Variants in SERPIND1 observed in about 807,000 individuals in gnomAD.
SERPIND1 encodes heparin cofactor 2.
Under a neutral mutation model 35.0 loss-of-function variants are expected in SERPIND1, and 34 were observed. The observed-to-expected ratio is 0.97, with a 90% CI of 0.74 to 1.29. The LOEUF (loss-of-function observed/expected upper bound fraction) is 1.29. SERPIND1 is among the 50% of genes most tolerant of loss of function. The pLI, the probability that SERPIND1 is intolerant of heterozygous loss-of-function variation, is 0.00. For missense variants in SERPIND1, 633 were observed against 637.7 expected (o/e 0.99, Z 0.08); for synonymous variants, 236 against 241.1 (o/e 0.98, Z 0.19).
At chr22:20,777,261 G>A (rs1005081055) in intron 1 of SERPIND1, among the ~76,000 whole-genome samples, 2 of 150,502 alleles carry the variant, frequency 1.3e-5, no homozygotes, top group Admixed American at 1.3e-4. Flanking sequence ...TTTTTGCCCA[G>A]GCTGGAGTGC....
At chr22:20,780,775 C>CAAAAAAAAAAAAAAAAAAAAAA (rs538327544) in intron 2 of SERPIND1, among the ~76,000 whole-genome samples, 20 of 67,668 alleles carry the variant, frequency 3.0e-4, no homozygotes, top group African/African-American at 7.2e-4. Context: ...GACTCCATCT[C>CAAAAAAAAAAAAAAAAAAAAAA]AAAAAAAAAA....
chr22:20,777,632 G>GT (rs1180097639), intron 1 of SERPIND1, among the ~76,000 whole-genome samples: 1 of 152,216 alleles, frequency 6.6e-6, no homozygotes, highest in Non-Finnish European at 1.5e-5. Context: ...GATTATAGGC[G>GT]TAAGCCACAG....
intron 1 of SERPIND1, among the ~76,000 whole-genome samples, chr22:20,778,796 C>CCA (rs1361174879): frequency 2.0e-5 from 3 of 152,146 alleles, no homozygotes. Context: ...CTGGGCACTT[C>CCA]CACTCCTACC....
rs776683506 is a variant in SERPIND1 at position 20,779,843 on chromosome 22, G to A, written c.531G>A (p.Val177=). Residue 177 remains valine (V), a synonymous_variant, in exon 2 of 5, where the codon GTG becomes GTA. Coordinates refer to ENST00000215727, the MANE Select transcript of SERPIND1 (RefSeq NM_000185.4). ...LGLKGETHEQ[V]HSILHFKDFV... is the part of the protein sequence containing the mutation. ...TGAAGGGAGAGACCCATGAACAAGT[G>A]CACTCGATTTTGCATTTTAAAGACT... is the stretch of plus-strand genomic sequence containing the variant. The A allele has an allele frequency of 6.2e-6, 10 of 1,614,080 alleles. No homozygotes were observed. The highest frequency in any genetic ancestry group is 1.1e-5 in the South Asian group (1 of 91,094).
At chr22:20,776,897 A>G (rs1191337517) in intron 1 of SERPIND1, among the ~76,000 whole-genome samples, 1 of 152,208 alleles carries the variant, frequency 6.6e-6, no homozygotes, top group African/African-American at 2.4e-5. Context: ...CTTCAGGCCT[A>G]CTGAGTTCAA....
In SERPIND1 at chr22:20,786,113, G is replaced by A. The variant is rs745436085; in HGVS notation, c.1273G>A (p.Ala425Thr). Residue 425 changes from alanine (A) to threonine (T), a missense_variant, in exon 4 of 5, where the codon GCA becomes ACA. Ala to Thr is a moderately conservative substitution (Grantham distance 58). Transcript: ENST00000215727. ...RMLFDKNGNM[A>T]GISDQRIAID... ...GCTGTTTGACAAAAATGGCAACATG[G>A]CAGGCATCTCAGACCAAAGGATCGC... 1 of 1,614,106 alleles carries A rather than the reference G, an allele frequency of 6.2e-7. No homozygotes were observed. Among genetic ancestry groups the A allele is most frequent in the East Asian group, 2.2e-5 (1 of 44,876 alleles).
At position 20,786,998 on chromosome 22, in the gene SERPIND1, C is replaced by G; in HGVS notation, c.1432C>G (p.Leu478Val). 1 of 1,614,194 alleles carries G rather than the reference C, an allele frequency of 6.2e-7. No individual in the cohort carries two copies. Among genetic ancestry groups the G allele is most frequent in the Non-Finnish European group, 8.5e-7 (1 of 1,180,030 alleles). ...RFTVDRPFLF[L>V]IYEHRTSCLL... ...CACTGTCGACCGCCCCTTTCTTTTC[C>G]TCATCTACGAGCATCGCACCAGCTG... Residue 478 changes from leucine to valine, a missense_variant, in exon 5 of 5, where the codon CTC becomes GTC. Coordinates refer to ENST00000215727, the MANE Select transcript of SERPIND1 (RefSeq NM_000185.4).
At chr22:20,781,402 G>C (rs1357645440) in intron 2 of SERPIND1, among the ~76,000 whole-genome samples, 1 of 152,242 alleles carries the variant, frequency 6.6e-6, no homozygotes, top group Non-Finnish European at 1.5e-5. Context: ...GCAAAGGGCA[G>C]TACTTGGAGG....
chr22:20,783,917 G>A, intron 2 of SERPIND1, 55 bp from the exon 3 acceptor site: 1 of 1,611,256 alleles, frequency 6.2e-7, no homozygotes, highest in Non-Finnish European at 8.5e-7. Flanking sequence ...TCAAGGGTGA[G>A]ACGATTTCCC....
chr22:20,787,353 C>T lies in SERPIND1; in HGVS notation c.*287C>T, dbSNP rs1392035067. On this transcript the variant is annotated 3_prime_UTR_variant, in exon 5 of 5. Transcript: ENST00000215727. ...CACTCTTCACAGCAAACCTGAGCAG[C>T]GCGTCCTAAGCACCTCCCGCTCCGG... The T allele has an allele frequency of 4.2e-5, 19 of 452,706 alleles. No homozygotes were observed. The highest frequency in any genetic ancestry group is 2.8e-4 in the Admixed American group (8 of 29,058). The allele number at this position is 452,706 out of a possible 1,614,324, so 28.0% of individuals were successfully genotyped here.
In SERPIND1 at chr22:20,780,037, A is replaced by G; in HGVS notation, c.725A>G (p.Glu242Gly). 4 of 1,614,122 alleles carry G rather than the reference A, an allele frequency of 2.5e-6. No homozygotes were observed. Among genetic ancestry groups the G allele is most frequent in the Non-Finnish European group, 3.4e-6 (4 of 1,179,998 alleles). Residue 242 changes from glutamate (E) to glycine (G), a missense_variant, in exon 2 of 5, where the codon GAG (glutamate) becomes GGG (glycine). By Grantham distance (98) the Glu-to-Gly change is moderately conservative (BLOSUM62 -2). Coordinates refer to ENST00000215727, the MANE Select transcript of SERPIND1 (RefSeq NM_000185.4). ...CTTGACTTCAAAACTAAAGTAAGAGAGTATTACTTTGCTGAGGCCCAGATA... is the reference window on the plus strand; with the variant it reads ...CTTGACTTCAAAACTAAAGTAAGAGGGTATTACTTTGCTGAGGCCCAGATA... ...ILLDFKTKVREYYFAEAQIAD... is the reference protein window; with the variant it reads ...ILLDFKTKVRGYYFAEAQIAD...
intron 1 of SERPIND1, among the ~76,000 whole-genome samples, chr22:20,777,721 C>T (rs980182886): frequency 4.6e-5 from 7 of 152,170 alleles, no homozygotes; most frequent in African/African-American, 1.7e-4. Context: ...TTATAAACAC[C>T]TATGGTCACT....
intron 2 of SERPIND1, among the ~76,000 whole-genome samples, chr22:20,782,075 T>C (rs531443654): frequency 2.6e-5 from 4 of 152,366 alleles, no homozygotes; most frequent in South Asian, 2.1e-4. Flanking sequence ...AAATAACCTA[T>C]GTTTAGGACT....
Position 20,779,765 on chromosome 22 carries a change from C to A in SERPIND1, c.453C>A (p.Ile151=). 6.2e-7 allele frequency: 1 copy of A among 1,614,222 alleles called. No individual in the cohort carries two copies. Among genetic ancestry groups the A allele is most frequent in the South Asian group, 1.1e-5 (1 of 91,092 alleles). ...ACCAGGTCAACACTTTCGATAACAT[C>A]TTCATAGCACCCGTTGGCATTTCTA... ...LKDQVNTFDN[I]FIAPVGISTA... Residue 151 remains isoleucine (I), a synonymous_variant, in exon 2 of 5, where the codon ATC becomes ATA. Coordinates refer to ENST00000215727, the MANE Select transcript of SERPIND1 (RefSeq NM_000185.4).
intron 1 of SERPIND1, among the ~76,000 whole-genome samples, chr22:20,777,182 G>C (rs1257299642): frequency 6.6e-6 from 1 of 151,820 alleles, no homozygotes; most frequent in African/African-American, 2.4e-5. Context: ...GGGACCACAG[G>C]CGTGTGCCAT....
Position 20,784,204 on chromosome 22 carries a change from AC to A in SERPIND1, c.1126del (p.Arg376GlyfsTer10). 6.2e-7 allele frequency: 1 copy of A among 1,614,030 alleles called. No homozygotes were observed. Among genetic ancestry groups the A allele is most frequent in the South Asian group, 1.1e-5 (1 of 91,068 alleles). On this transcript the variant is annotated frameshift_variant, in exon 3 of 5. Coordinates refer to ENST00000215727, the MANE Select transcript of SERPIND1 (RefSeq NM_000185.4). LOFTEE classifies it high-confidence loss of function. ...TGAAGACCCTCGAAGCGCAACTGACACCCCGGGTGGTGGAGAGATGGCAAAA... is the reference window on the plus strand; with the variant it reads ...TGAAGACCCTCGAAGCGCAACTGACACCCGGGTGGTGGAGAGATGGCAAAA... ...GMKTLEAQLTPRVVERWQKSM... is the reference protein window; with the variant it reads ...GMKTLEAQLTXRVVERWQKSM...
At chr22:20,783,523 A>G (rs986308859) in intron 2 of SERPIND1, among the ~76,000 whole-genome samples, 38 of 151,938 alleles carry the variant, frequency 2.5e-4, no homozygotes, top group Admixed American at 2.4e-3. Flanking sequence ...AGGCTGAGGC[A>G]GGAGGATTCC....
chr22:20,775,536 A>C (rs1043035664), intron 1 of SERPIND1, among the ~76,000 whole-genome samples: 2 of 152,188 alleles, frequency 1.3e-5, no homozygotes, highest in Non-Finnish European at 2.9e-5. Context: ...CTGCCACTCT[A>C]TCTGGCCTCA....
At chr22:20,784,274 G>C in intron 3 of SERPIND1, 29 bp downstream of exon 3, 2 of 1,613,904 alleles carry the variant, frequency 1.2e-6, no homozygotes. Flanking sequence ...TTGTTCTTTT[G>C]AGCTCCCAGA....
Sources: allele counts gnomAD v4.1 joint callset (sites outside exome capture counted in the v4.1 genomes callset), GRCh38; gene constraint gnomAD v4.1.1; transcripts MANE v1.5; gene names NCBI Gene and HGNC (gene_info 2026-07-23, HGNC 2026-07-21).